BLZF1: variants seen among roughly 807,000 people sequenced by gnomAD.
The protein encoded by BLZF1 is basic leucine zipper nuclear factor 1.
Under a neutral mutation model 43.8 loss-of-function variants are expected in BLZF1, and 39 were observed. The observed-to-expected ratio is 0.89, with a 90% CI of 0.69 to 1.16. BLZF1 has a LOEUF of 1.16. Ranked by LOEUF, BLZF1 falls within the 50% of genes most tolerant of loss-of-function variation. The pLI, the probability that BLZF1 is intolerant of heterozygous loss-of-function variation, is 0.00. For synonymous variants in BLZF1, 136 were observed against 159.4 expected (o/e 0.85, Z 1.11); for missense variants, 449 against 469.8 (o/e 0.96, Z 0.41).
chr1:169,389,617 A>G (rs1382893220), downstream of BLZF1, among the ~76,000 whole-genome samples: 1 of 152,246 alleles, frequency 6.6e-6, no homozygotes, highest in Non-Finnish European at 1.5e-5. Context: ...GTAGATTCCC[A>G]AAAGAAAGCA....
chr1:169,390,004 T>C (rs986034651), downstream of BLZF1, among the ~76,000 whole-genome samples: 3 of 152,128 alleles, frequency 2.0e-5, no homozygotes, highest in African/African-American at 7.2e-5. Context: ...ATGACAAAAA[T>C]GTTCTGGAGA....
At chr1:169,372,961 GA>G (rs1431785556) in intron 2 of BLZF1, among the ~76,000 whole-genome samples, 1 of 151,930 alleles carries the variant, frequency 6.6e-6, no homozygotes, top group Non-Finnish European at 1.5e-5. Flanking sequence ...CCCATTATTA[GA>G]CCTATGTTAT....
In BLZF1 at chr1:169,380,608, A is replaced by G; in HGVS notation, c.796A>G (p.Lys266Glu). ...TCGTCAAGAAATGATAGCTACCCAG[A>G]AGTATGGCACTTGTTTACATTCTGA... ...QFRQEMIATQKLLEELLVSLQ... is the reference protein window; with the variant it reads ...QFRQEMIATQELLEELLVSLQ... The change falls in exon 5 of 7, where the codon AAA (lysine) becomes GAA (glutamate). Residue 266 changes from lysine to glutamate, a missense_variant and splice_region_variant. Coordinates refer to ENST00000367808, the MANE Select transcript of BLZF1 (RefSeq NM_001320973.2). The G allele has an allele frequency of 6.2e-7, 1 of 1,612,508 alleles. No individual in the cohort carries two copies. The highest frequency in any genetic ancestry group is 8.5e-7 in the Non-Finnish European group (1 of 1,178,816).
At chr1:169,371,594 A>T (rs1443899128) in intron 2 of BLZF1, among the ~76,000 whole-genome samples, 1 of 152,184 alleles carries the variant, frequency 6.6e-6, no homozygotes, top group Non-Finnish European at 1.5e-5. Flanking sequence ...GCCTCAGGAG[A>T]TAAGTACGGT....
chr1:169,376,604 A>G lies in BLZF1; in HGVS notation c.93A>G (p.Lys31=). ...GAATGGAAACTGAGGAACCACCTAA[A>G]TCTGTTGAAGTTACCTCCGGAGTCC... ...GDGMETEEPP[K]SVEVTSGVQS... The change falls in exon 3 of 7, where the codon AAA becomes AAG. Residue 31 remains lysine (K), a synonymous_variant. Transcript: ENST00000367808. The G allele has an allele frequency of 6.2e-7, 1 of 1,613,022 alleles. No individual in the cohort carries two copies. Among genetic ancestry groups the G allele is most frequent in the Non-Finnish European group, 8.5e-7 (1 of 1,179,476 alleles).
intron 5 of BLZF1, among the ~76,000 whole-genome samples, chr1:169,381,435 G>T (rs1482838401): frequency 6.6e-6 from 1 of 151,974 alleles, no homozygotes; most frequent in Non-Finnish European, 1.5e-5. Flanking sequence ...GGTCTAGATG[G>T]ATTCACTGAT....
At chr1:169,392,081 G>A (rs9659035), downstream of BLZF1, among the ~76,000 whole-genome samples, 18,310 of 152,062 alleles carry the variant, frequency 0.12, 1,157 homozygotes, top group Admixed American at 0.14. Context: ...TGAAACAGTC[G>A]TTATGGAGGC....
At chr1:169,375,009 C>T (rs530102760) in intron 2 of BLZF1, among the ~76,000 whole-genome samples, 3 of 151,986 alleles carry the variant, frequency 2.0e-5, no homozygotes, top group South Asian at 2.1e-4. Context: ...GAGTGATTTT[C>T]GAAGGCATTT....
downstream of BLZF1, among the ~76,000 whole-genome samples, chr1:169,392,217 G>C (rs1389047579): frequency 2.0e-5 from 3 of 152,104 alleles, no homozygotes; most frequent in Non-Finnish European, 4.4e-5. Flanking sequence ...AATTCCAACA[G>C]CCTTTTTGAA....
downstream of BLZF1, among the ~76,000 whole-genome samples, chr1:169,390,773 C>T (rs1244397986): frequency 6.6e-6 from 1 of 152,238 alleles, no homozygotes; most frequent in African/African-American, 2.4e-5. Flanking sequence ...AGAGTAGCTT[C>T]TGTTGCAATA....
At chr1:169,369,071 C>T (rs1434122120) in intron 1 of BLZF1, among the ~76,000 whole-genome samples, 1 of 152,028 alleles carries the variant, frequency 6.6e-6, no homozygotes, top group African/African-American at 2.4e-5. Flanking sequence ...ACAGAAGCTC[C>T]TTTTTGATAT....
At chr1:169,386,971 C>G (rs1219887581) in intron 6 of BLZF1, 26 bp from the exon 7 acceptor site, 3 of 1,538,578 alleles carry the variant, frequency 1.9e-6, no homozygotes, top group Non-Finnish European at 2.7e-6. Flanking sequence ...TTGCATACTT[C>G]TGACATTATA....
At chr1:169,370,510 T>G (rs762850145) in intron 2 of BLZF1, among the ~76,000 whole-genome samples, 7 of 152,248 alleles carry the variant, frequency 4.6e-5, no homozygotes, top group Non-Finnish European at 8.8e-5. Context: ...CTGTAGCCTT[T>G]CACTGTCCAA....
intron 7 of BLZF1, among the ~76,000 whole-genome samples, chr1:169,393,379 G>A (rs1181917690): frequency 6.6e-6 from 1 of 151,796 alleles, no homozygotes; most frequent in Non-Finnish European, 1.5e-5. Context: ...GCTGAGGTCA[G>A]GAGTTTGAGA....
Position 169,387,007 on chromosome 1 carries a change from T to C in BLZF1, c.1028T>C (p.Ile343Thr). 6.2e-7 allele frequency: 1 copy of C among 1,605,670 alleles called. No individual in the cohort carries two copies. The highest frequency in any genetic ancestry group is 1.1e-5 in the South Asian group (1 of 89,884). Residue 343 changes from isoleucine to threonine, a missense_variant, in exon 7 of 7, where the codon ATT becomes ACT. Transcript: ENST00000367808. ...AEKMAETVLR[I>T]LDPVTCKESS... ...TCTTATTTTCCTTAGGTTCTAAGAA[T>C]TTTAGATCCAGTTACCTGCAAAGAG...
Position 169,380,525 on chromosome 1 carries a change from G to C in BLZF1, c.713G>C (p.Arg238Pro). ...ELTNSRAALQ[R>P]QNRDAHGAIQ... Reference sequence around the variant, plus strand: ...ACCAACTCAAGAGCAGCTTTACAGCGTCAAAACCGTGATGCACACGGGGCT... The same window carrying C: ...ACCAACTCAAGAGCAGCTTTACAGCCTCAAAACCGTGATGCACACGGGGCT... Residue 238 changes from arginine to proline, a missense_variant, in exon 5 of 7, where the codon CGT (arginine) becomes CCT (proline). Physicochemically the swap from Arg to Pro is moderately radical, Grantham distance 103. Transcript: ENST00000367808. 6.2e-7 allele frequency: 1 copy of C among 1,612,592 alleles called. No individual in the cohort carries two copies. The highest frequency in any genetic ancestry group is 8.5e-7 in the Non-Finnish European group (1 of 1,178,930).
intron 2 of BLZF1, among the ~76,000 whole-genome samples, chr1:169,375,592 T>G (rs74121659): frequency 0.012 from 1,748 of 150,730 alleles, 44 homozygotes; most frequent in African/African-American, 0.041. Flanking sequence ...TTTTTATATG[T>G]ATGTTCTGTC....
chr1:169,374,849 A>ATT (rs746199835), intron 2 of BLZF1, among the ~76,000 whole-genome samples: 24 of 152,152 alleles, frequency 1.6e-4, no homozygotes, highest in Non-Finnish European at 3.5e-4. Flanking sequence ...AGGACCTAAC[A>ATT]TTTAATGAGT....
chr1:169,371,868 C>CTA (rs1480775270), intron 2 of BLZF1, among the ~76,000 whole-genome samples: 2 of 152,132 alleles, frequency 1.3e-5, no homozygotes, highest in African/African-American at 4.8e-5. Context: ...ATAAAATAGT[C>CTA]TAACACTAGT....
Sources: allele counts gnomAD v4.1 joint callset (sites outside exome capture counted in the v4.1 genomes callset), GRCh38; gene constraint gnomAD v4.1.1; transcripts MANE v1.5; gene names NCBI Gene and HGNC (gene_info 2026-07-23, HGNC 2026-07-21).